Variants in RABGAP1L observed in about 807,000 individuals in gnomAD.
RABGAP1L encodes rab GTPase-activating protein 1-like.
RABGAP1L carries 63 observed loss-of-function variants against 137.7 expected under a neutral mutation model. That is an observed-to-expected ratio of 0.46 (90% CI 0.37 to 0.56). The LOEUF (loss-of-function observed/expected upper bound fraction) is 0.56. Ranked by LOEUF, RABGAP1L falls within the 20% of genes least tolerant of loss-of-function variation. The probability of loss-of-function intolerance (pLI) is 0.00; values close to 1 mark genes in which losing one functional copy is unlikely to be tolerated. For missense variants in RABGAP1L, 1,095 were observed against 1,244.0 expected (o/e 0.88, Z 1.80); for synonymous variants, 431 against 433.7 (o/e 0.99, Z 0.08).
intron 17 of RABGAP1L, among the ~76,000 whole-genome samples, chr1:174,739,409 C>T (rs1255257793): frequency 2.0e-5 from 3 of 152,132 alleles, no homozygotes; most frequent in African/African-American, 7.2e-5. Context: ...TTTTACATAT[C>T]CCTGATGTAT....
intron 7 of RABGAP1L, among the ~76,000 whole-genome samples, chr1:174,254,121 A>G (rs528283995): frequency 6.6e-6 from 1 of 151,914 alleles, no homozygotes; most frequent in South Asian, 2.1e-4. Flanking sequence ...AAGGTAGGCT[A>G]TCTAGCTCCA....
At chr1:174,811,254 G>A (rs1689845287) in intron 18 of RABGAP1L, among the ~76,000 whole-genome samples, 1 of 152,150 alleles carries the variant, frequency 6.6e-6, no homozygotes, top group Non-Finnish European at 1.5e-5. Flanking sequence ...GTTTTCAGAA[G>A]AGATCAGTAG....
intron 19 of RABGAP1L, among the ~76,000 whole-genome samples, chr1:174,901,455 A>C (rs902252401): frequency 6.6e-6 from 1 of 152,108 alleles, no homozygotes; most frequent in African/African-American, 2.4e-5. Context: ...AAACCATCAG[A>C]TCTCATGAGA....
chr1:174,399,035 T>TA (rs1648225819), intron 13 of RABGAP1L, among the ~76,000 whole-genome samples: 2 of 152,324 alleles, frequency 1.3e-5, no homozygotes, highest in African/African-American at 4.8e-5. Context: ...CTATTGTTAA[T>TA]ACAGTTATCA....
chr1:174,175,526 C>G, intron 1 of RABGAP1L, among the ~76,000 whole-genome samples: 1 of 143,602 alleles, frequency 7.0e-6, no homozygotes, highest in Non-Finnish European at 1.5e-5. Flanking sequence ...GTCTTGCTAT[C>G]TTGGCTCACT....
At chr1:174,646,102 C>T (rs1246154359) in intron 14 of RABGAP1L, among the ~76,000 whole-genome samples, 1 of 151,908 alleles carries the variant, frequency 6.6e-6, no homozygotes, top group African/African-American at 2.4e-5. Flanking sequence ...ATTGTAGATT[C>T]TGGATATTAG....
At chr1:174,563,056 G>T (rs993432371) in intron 13 of RABGAP1L, among the ~76,000 whole-genome samples, 1 of 152,106 alleles carries the variant, frequency 6.6e-6, no homozygotes, top group Non-Finnish European at 1.5e-5. Context: ...ATCATCTGTA[G>T]TTACTTTTGT....
chr1:174,341,227 A>T (rs370544634), intron 11 of RABGAP1L, among the ~76,000 whole-genome samples: 2 of 152,164 alleles, frequency 1.3e-5, no homozygotes, highest in African/African-American at 4.8e-5. Context: ...TGTGTATACA[A>T]CTGTCCATCA....
chr1:174,368,125 T>C (rs563048479), intron 11 of RABGAP1L: 1 of 152,474 alleles, frequency 6.6e-6, no homozygotes, highest in African/African-American at 2.4e-5. Context: ...GCAAGCAGAC[T>C]GCCGGGCAGC....
intron 13 of RABGAP1L, among the ~76,000 whole-genome samples, chr1:174,543,493 C>A (rs897879386): frequency 1.3e-5 from 2 of 152,114 alleles, no homozygotes; most frequent in African/African-American, 2.4e-5. Context: ...TGTTTCCCTG[C>A]CTGTGAGATG....
At chr1:174,743,122 G>A (rs1572998688) in intron 17 of RABGAP1L, among the ~76,000 whole-genome samples, 2 of 152,178 alleles carry the variant, frequency 1.3e-5, no homozygotes, top group Non-Finnish European at 2.9e-5. Flanking sequence ...TGCAGCAGAC[G>A]AGATGAGATG....
chr1:174,176,726 A>AT lies in RABGAP1L; in HGVS notation c.-34+17069_-34+17070insT, dbSNP rs1186319790. Among the ~76,000 whole-genome samples, 858 of 130,600 alleles carry AT rather than the reference A, an allele frequency of 6.6e-3. 32 individuals are homozygous for AT. The highest frequency in any genetic ancestry group is 9.1e-3 in the Non-Finnish European group (572 of 62,676). The allele number at this position is 130,600 out of a possible 152,430, so 85.7% of individuals were successfully genotyped here. On this transcript the variant is annotated intron_variant, in intron 1 of 25. Transcript: ENST00000681986. ...GACCCTTTTTCAGAAAAAAAAAAAA[A>AT]AAAAAAAAAAAAAAAAAAAAGGTCA...
chr1:174,424,289 T>C (rs538850686), intron 13 of RABGAP1L, among the ~76,000 whole-genome samples: 27 of 152,270 alleles, frequency 1.8e-4, no homozygotes, highest in African/African-American at 5.5e-4. Flanking sequence ...TTTCAGACTT[T>C]GTGCCTTTAG....
chr1:174,892,265 G>A (rs1656300442), intron 19 of RABGAP1L, among the ~76,000 whole-genome samples: 2 of 152,244 alleles, frequency 1.3e-5, no homozygotes, highest in African/African-American at 4.8e-5. Context: ...CTCAGCCCGG[G>A]ACACAGCACA....
At chr1:174,731,223 C>T (rs540035910) in intron 17 of RABGAP1L, among the ~76,000 whole-genome samples, 33 of 152,298 alleles carry the variant, frequency 2.2e-4, no homozygotes, top group African/African-American at 6.5e-4. Context: ...CTACCCGCCT[C>T]GGCCTCCCAA....
chr1:174,272,375 G>C (rs1318236036), intron 7 of RABGAP1L, 39 bp from the exon 8 acceptor site: 36 of 1,593,188 alleles, frequency 2.3e-5, no homozygotes, highest in Non-Finnish European at 3.1e-5. Flanking sequence ...ATATATTCTT[G>C]ATACCTTATT....
intron 13 of RABGAP1L, among the ~76,000 whole-genome samples, chr1:174,490,798 G>A (rs533361114): frequency 1.4e-4 from 21 of 152,088 alleles, no homozygotes; most frequent in East Asian, 1.9e-4. Flanking sequence ...GGTTTTTCCC[G>A]TTCTTCCCTC....
At chr1:174,634,486 G>C (rs1408623793) in intron 13 of RABGAP1L, among the ~76,000 whole-genome samples, 1 of 140,026 alleles carries the variant, frequency 7.1e-6, no homozygotes, top group Admixed American at 7.2e-5. Context: ...CGATTCCTCA[G>C]GGATCTAGAA....
In RABGAP1L at chr1:174,703,273, C is replaced by G. The variant is rs899032357; in HGVS notation, c.2169+1017C>G. Among the ~76,000 whole-genome samples the G allele has an allele frequency of 1.6e-4, 24 of 152,300 alleles. 1 individual carries two copies. The highest frequency in any genetic ancestry group is 7.7e-4 in the East Asian group (4 of 5,186). ...TTTCTTATCCCCTACCCCCCTCTCA[C>G]TGTCCCATGTGAGTCTCCAATGTCT... On this transcript the variant is annotated intron_variant, in intron 17 of 25. Transcript: ENST00000681986.
Sources: allele counts gnomAD v4.1 joint callset (sites outside exome capture counted in the v4.1 genomes callset), GRCh38; gene constraint gnomAD v4.1.1; transcripts MANE v1.5; gene names NCBI Gene and HGNC (gene_info 2026-07-23, HGNC 2026-07-21).